Variants in SPATS2 observed in about 807,000 individuals in gnomAD.
SPATS2 encodes the protein spermatogenesis-associated serine-rich protein 2.
In SPATS2, 38 loss-of-function variants were observed where a neutral mutation model predicts 63.7. That is an observed-to-expected ratio of 0.60 (90% CI 0.46 to 0.78). SPATS2 has a LOEUF of 0.78. Ranked by LOEUF, SPATS2 falls within the 30% of genes least tolerant of loss-of-function variation. SPATS2 has a pLI of 0.00. For missense variants in SPATS2, 588 were observed against 666.2 expected (o/e 0.88, Z 1.29); for synonymous variants, 207 against 232.9 (o/e 0.89, Z 1.01).
chr12:49,439,292 G>A (rs78001637), intron 2 of SPATS2, among the ~76,000 whole-genome samples: 1 of 152,156 alleles, frequency 6.6e-6, no homozygotes, highest in African/African-American at 2.4e-5. Flanking sequence ...GGCCAGGTCA[G>A]GTAGGGCTTG....
chr12:49,415,864 A>G (rs565829261), intron 2 of SPATS2, among the ~76,000 whole-genome samples: 42 of 152,274 alleles, frequency 2.8e-4, no homozygotes, highest in Middle Eastern at 6.8e-3. Context: ...AATTTCACCT[A>G]CAGACTGTAG....
At chr12:49,377,729 A>C (rs1944134003) in intron 2 of SPATS2, among the ~76,000 whole-genome samples, 1 of 152,148 alleles carries the variant, frequency 6.6e-6, no homozygotes, top group Non-Finnish European at 1.5e-5. Flanking sequence ...TTGATAGTAT[A>C]GTTATTTCTA....
At chr12:49,426,627 T>C (rs181234330) in intron 2 of SPATS2, among the ~76,000 whole-genome samples, 1,722 of 152,282 alleles carry the variant, frequency 0.011, 18 homozygotes, top group South Asian at 0.028. Flanking sequence ...CACTGCAAGC[T>C]CCGCCTCCCG....
At chr12:49,389,888 G>A in intron 2 of SPATS2, 1 of 824,246 alleles carries the variant, frequency 1.2e-6, no homozygotes, top group East Asian at 2.4e-5. Flanking sequence ...GAAAAATAAT[G>A]AAGTTAACAA....
At chr12:49,502,457 C>G (rs997512978) in intron 9 of SPATS2, among the ~76,000 whole-genome samples, 2 of 151,960 alleles carry the variant, frequency 1.3e-5, no homozygotes, top group African/African-American at 4.8e-5. Flanking sequence ...TTCTGTTTTT[C>G]TTTGTTTGTT....
chr12:49,496,561 A>G (rs1444754440), intron 7 of SPATS2, among the ~76,000 whole-genome samples: 1 of 152,224 alleles, frequency 6.6e-6, no homozygotes, highest in Non-Finnish European at 1.5e-5. Context: ...AAGAAGCCAC[A>G]GAGCCACAGG....
intron 2 of SPATS2, among the ~76,000 whole-genome samples, chr12:49,424,172 C>A (rs1945032107): frequency 6.6e-6 from 1 of 152,118 alleles, no homozygotes; most frequent in African/African-American, 2.4e-5. Context: ...CACTGCACTC[C>A]AGCCTGGGCA....
intron 3 of SPATS2, among the ~76,000 whole-genome samples, chr12:49,475,903 G>T (rs1946109383): frequency 6.6e-6 from 1 of 152,254 alleles, no homozygotes; most frequent in East Asian, 1.9e-4. Context: ...CCTCCTGGCT[G>T]TTCTCTAGAG....
At chr12:49,411,565 C>A in intron 2 of SPATS2, among the ~76,000 whole-genome samples, 1 of 152,126 alleles carries the variant, frequency 6.6e-6, no homozygotes, top group East Asian at 1.9e-4. Flanking sequence ...AGAATCATAT[C>A]TAAAGCAGAA....
At chr12:49,410,062 A>G (rs1268225101) in intron 2 of SPATS2, among the ~76,000 whole-genome samples, 1 of 151,586 alleles carries the variant, frequency 6.6e-6, no homozygotes, top group Non-Finnish European at 1.5e-5. Context: ...AGTTTTGTTC[A>G]ATACATGTTT....
At chr12:49,443,631 G>A (rs558608181) in intron 2 of SPATS2, among the ~76,000 whole-genome samples, 15 of 151,932 alleles carry the variant, frequency 9.9e-5, no homozygotes, top group African/African-American at 3.4e-4. Flanking sequence ...AGCCATTTGG[G>A]TCTGTGATCC....
intron 2 of SPATS2, among the ~76,000 whole-genome samples, chr12:49,425,245 A>G (rs917581139): frequency 6.6e-6 from 1 of 152,152 alleles, no homozygotes; most frequent in Non-Finnish European, 1.5e-5. Flanking sequence ...AATTGAGGAC[A>G]GTTTTAAAAA....
rs563502509 is a variant in SPATS2, at chr12:49,409,565, T to C, written c.-244+38275T>C. Among the ~76,000 whole-genome samples the C allele has an allele frequency of 6.0e-5, 9 of 150,066 alleles. No homozygotes were observed. The South Asian group carries it at 1.9e-3, about 32-fold the overall frequency. On this transcript the variant is annotated intron_variant, in intron 2 of 13. Coordinates refer to ENST00000552918, the MANE Select transcript of SPATS2 (RefSeq NM_023071.4). ...CCTCGGCCTCCCAAAGTGCTGGAAT[T>C]ACAGGCGTGAGCCACTGTGCCCAGC...
intron 2 of SPATS2, among the ~76,000 whole-genome samples, chr12:49,450,435 G>A (rs1338573690): frequency 6.6e-6 from 1 of 151,946 alleles, no homozygotes; most frequent in East Asian, 1.9e-4. Context: ...TAGTAGAGAC[G>A]GGGTTTCACT....
intron 2 of SPATS2, among the ~76,000 whole-genome samples, chr12:49,431,170 A>G (rs1592388093): frequency 6.6e-6 from 1 of 152,164 alleles, no homozygotes; most frequent in East Asian, 1.9e-4. Flanking sequence ...CCTTCCAGGT[A>G]TACAGTTTTT....
intron 3 of SPATS2, among the ~76,000 whole-genome samples, chr12:49,467,840 T>C (rs1449187694): frequency 1.3e-5 from 2 of 150,924 alleles, no homozygotes; most frequent in African/African-American, 4.9e-5. Context: ...AGTAGCTGGG[T>C]CTCCTGCCTG....
rs1393000551 is a variant in SPATS2, at chr12:49,494,745, A to T, written c.269A>T (p.Lys90Ile). The change falls in exon 7 of 14, where the codon AAA becomes ATA. Residue 90 changes from lysine to isoleucine, a missense_variant. Coordinates refer to ENST00000552918, the MANE Select transcript of SPATS2 (RefSeq NM_023071.4). ...EWTVTGKKKN[K>I]KKKNKPKPAA... The stretch of plus-strand genomic sequence containing the variant: ...TCAAATTTTTAATAACTTTAGAACA[A>T]AAAGAAGAAAAACAAACCGAAACCT... The T allele has an allele frequency of 6.5e-7, 1 of 1,535,554 alleles. No homozygotes were observed. Among genetic ancestry groups the T allele is most frequent in the Admixed American group, 2.3e-5 (1 of 43,972 alleles).
chr12:49,498,139 A>ATATATATATATATAT (rs1555191141), intron 8 of SPATS2, among the ~76,000 whole-genome samples: 30 of 84,234 alleles, frequency 3.6e-4, no homozygotes, highest in African/African-American at 2.0e-3. Flanking sequence ...AGCCAAAAAA[A>ATATATATATATATAT]AAAAAAATAT....
At chr12:49,413,850 C>A (rs1008248797) in intron 2 of SPATS2, among the ~76,000 whole-genome samples, 1 of 152,118 alleles carries the variant, frequency 6.6e-6, no homozygotes, top group Non-Finnish European at 1.5e-5. Flanking sequence ...CAGAAGATAA[C>A]CACTGTATTC....
Sources: allele counts gnomAD v4.1 joint callset (sites outside exome capture counted in the v4.1 genomes callset), GRCh38; gene constraint gnomAD v4.1.1; transcripts MANE v1.5; gene names NCBI Gene and HGNC (gene_info 2026-07-23, HGNC 2026-07-21).